The following RUNX1 variants were observed in gnomAD, a reference collection of about 807,000 sequenced individuals.
RUNX1 encodes the protein runt-related transcription factor 1.
Under a neutral mutation model 42.8 loss-of-function variants are expected in RUNX1, and 19 were observed. The ratio of observed to expected loss-of-function variants is 0.44; its 90% CI spans 0.31 to 0.65. The LOEUF (loss-of-function observed/expected upper bound fraction) is 0.65. Among genes scored for constraint, RUNX1 ranks in the 30% least tolerant of loss-of-function variants. The pLI, the probability that RUNX1 is intolerant of heterozygous loss-of-function variation, is 0.07. For synonymous variants in RUNX1, 271 were observed against 289.4 expected (o/e 0.94, Z 0.64); for missense variants, 528 against 672.0 (o/e 0.79, Z 2.37).
intron 2 of RUNX1, among the ~76,000 whole-genome samples, chr21:34,984,912 T>A (rs2058873866): frequency 6.6e-6 from 1 of 152,282 alleles, no homozygotes; most frequent in Non-Finnish European, 1.5e-5. Flanking sequence ...GGTGACAGGA[T>A]CTTCCCAGAG....
chr21:35,026,180 G>A (rs1308363178), intron 2 of RUNX1, among the ~76,000 whole-genome samples: 3 of 152,170 alleles, frequency 2.0e-5, no homozygotes, highest in Non-Finnish European at 4.4e-5. Context: ...GGAACACTGA[G>A]TTTTTCAGCT....
At chr21:34,995,896 G>T (rs1222177206) in intron 2 of RUNX1, among the ~76,000 whole-genome samples, 2 of 152,140 alleles carry the variant, frequency 1.3e-5, no homozygotes, top group Non-Finnish European at 2.9e-5. Context: ...ACATGTGTAG[G>T]TGTATGTGTG....
rs751112085 is a variant in RUNX1 at position 34,901,081 on chromosome 21, C to CTGAT, written c.59-8119_59-8118insATCA. On this transcript the variant is annotated intron_variant, in intron 2 of 8. Transcript: ENST00000675419. The surrounding 1 kb of genome is among the most constrained non-coding windows in gnomAD (Gnocchi z 4.3). ...AATGGTCTAAGCTATGGAATCCATCCTCATCAGAAGAAATAACCAAGGAGC... is the reference window on the plus strand; with the variant it reads ...AATGGTCTAAGCTATGGAATCCATCCTGATTCATCAGAAGAAATAACCAAGGAGC... Among the ~76,000 whole-genome samples the CTGAT allele has an allele frequency of 5.9e-5, 9 of 152,144 alleles. No individual in the cohort carries two copies. Among genetic ancestry groups the CTGAT allele is most frequent in the Non-Finnish European group, 1.2e-4 (8 of 68,030 alleles).
chr21:35,002,724 G>A (rs1203129955), intron 2 of RUNX1, among the ~76,000 whole-genome samples: 8 of 151,976 alleles, frequency 5.3e-5, no homozygotes, highest in African/African-American at 1.7e-4. Context: ...CACTGTGCCC[G>A]GCCTACTTAT....
chr21:35,014,130 T>C (rs575750495), intron 2 of RUNX1, among the ~76,000 whole-genome samples: 1 of 152,210 alleles, frequency 6.6e-6, no homozygotes, highest in Non-Finnish European at 1.5e-5. Flanking sequence ...CAATGAACTT[T>C]TGAAATAAGA....
intron 5 of RUNX1, among the ~76,000 whole-genome samples, chr21:34,878,713 T>C (rs1022576274): frequency 3.3e-5 from 5 of 151,876 alleles, no homozygotes; most frequent in Admixed American, 6.6e-5. Flanking sequence ...CACAAGCACC[T>C]ATTAGTCACC....
chr21:35,044,812 G>T (rs752442924), intron 2 of RUNX1, among the ~76,000 whole-genome samples: 51 of 152,186 alleles, frequency 3.4e-4, no homozygotes, highest in Non-Finnish European at 6.5e-4. Flanking sequence ...ACATCTTTCG[G>T]ATCTATTTTG....
At chr21:34,821,486 T>C (rs2056907309) in intron 7 of RUNX1, 2 of 1,450,382 alleles carry the variant, frequency 1.4e-6, no homozygotes, top group Non-Finnish European at 1.8e-6. Context: ...ACTATTATTG[T>C]TACGACGGTT....
chr21:34,799,200 GT>G, intron 8 of RUNX1, 100 bp downstream of exon 8: 1 of 1,297,284 alleles, frequency 7.7e-7, no homozygotes, highest in Non-Finnish European at 1.1e-6. Context: ...TTTAAACCAT[GT>G]TTTACTCAAT....
chr21:34,934,050 G>T (rs930095523), intron 2 of RUNX1, among the ~76,000 whole-genome samples: 10 of 152,190 alleles, frequency 6.6e-5, no homozygotes, highest in African/African-American at 2.4e-4. Context: ...TGGATAGGGA[G>T]AATCCAGCAG....
intron 2 of RUNX1, among the ~76,000 whole-genome samples, chr21:34,913,575 C>T (rs942026808): frequency 3.9e-5 from 6 of 152,314 alleles, no homozygotes; most frequent in Middle Eastern, 6.8e-3. Context: ...TTCAAACTCA[C>T]ACTAATTTCA....
intron 2 of RUNX1, among the ~76,000 whole-genome samples, chr21:34,921,574 A>G (rs1343398864): frequency 2.6e-5 from 4 of 152,198 alleles, no homozygotes; most frequent in African/African-American, 9.6e-5. Context: ...ATTGCGACCC[A>G]TGCTGCTATG....
At chr21:34,971,548 A>ACCACCATCTATCTTATCCAC (rs2058763709) in intron 2 of RUNX1, among the ~76,000 whole-genome samples, 1 of 147,486 alleles carries the variant, frequency 6.8e-6, no homozygotes, top group South Asian at 2.1e-4. Context: ...CATCCATCCA[A>ACCACCATCTATCTTATCCAC]CCACCATCTA....
intron 2 of RUNX1, among the ~76,000 whole-genome samples, chr21:34,993,113 G>A (rs2058958418): frequency 1.3e-5 from 2 of 152,184 alleles, no homozygotes; most frequent in Admixed American, 6.5e-5. Flanking sequence ...TCTGGCGGAC[G>A]CCATCACCTC....
chr21:34,798,163 A>G (rs1358882027), intron 8 of RUNX1: 5 of 456,242 alleles, frequency 1.1e-5, no homozygotes, highest in African/African-American at 1.0e-4. Context: ...CCTGCCCCCT[A>G]ATCTGCTATA....
At chr21:34,913,766 T>C (rs947282198) in intron 2 of RUNX1, among the ~76,000 whole-genome samples, 1 of 152,214 alleles carries the variant, frequency 6.6e-6, no homozygotes, top group African/African-American at 2.4e-5. Flanking sequence ...GTTAACAATG[T>C]ATTACACTGA....
At chr21:34,796,867 C>T (rs1357631339) in intron 8 of RUNX1, among the ~76,000 whole-genome samples, 1 of 152,052 alleles carries the variant, frequency 6.6e-6, no homozygotes, top group African/African-American at 2.4e-5. Context: ...TGGAGTCTGT[C>T]TGCAAAGGAT....
At chr21:34,906,045 G>A (rs1050431319) in intron 2 of RUNX1, among the ~76,000 whole-genome samples, 1 of 152,200 alleles carries the variant, frequency 6.6e-6, no homozygotes, top group African/African-American at 2.4e-5. Flanking sequence ...AGGAGCTTCA[G>A]TATTTCTGAA....
At chr21:34,904,733 G>C (rs2058204144) in intron 2 of RUNX1, among the ~76,000 whole-genome samples, 1 of 152,066 alleles carries the variant, frequency 6.6e-6, no homozygotes, top group African/African-American at 2.4e-5. Context: ...GTTCTCAAGG[G>C]GGGCCTGCAG....
Sources: gnomAD v4.1 joint callset for allele counts (sites outside exome capture counted in the v4.1 genomes callset) on GRCh38, gnomAD v4.1.1 for gene constraint, Gnocchi (gnomAD v3.1) non-coding constraint, MANE v1.5 for transcripts, NCBI Gene and HGNC (gene_info 2026-07-23, HGNC 2026-07-21) for gene names.